CORO2A: variants seen among roughly 807,000 people sequenced by gnomAD.
CORO2A encodes coronin-2A.
Under a neutral mutation model 62.4 loss-of-function variants are expected in CORO2A, and 47 were observed. That is an observed-to-expected ratio of 0.75 (90% CI 0.60 to 0.96). The LOEUF is 0.96. Ranked by LOEUF, CORO2A falls within the 40% of genes least tolerant of loss-of-function variation. The pLI is 0.00. For missense variants in CORO2A, 610 were observed against 684.1 expected, an observed-to-expected ratio of 0.89 and a Z score of 1.21; for synonymous variants, 273 against 268.9, an observed-to-expected ratio of 1.02 and a Z score of -0.15.
At chr9:98,139,013 C>A (rs1211319829) in intron 2 of CORO2A, among the ~76,000 whole-genome samples, 1 of 145,318 alleles carries the variant, frequency 6.9e-6, no homozygotes, top group East Asian at 2.0e-4. Context: ...TGCCACTGCA[C>A]TACAGCCTGG....
Position 98,147,974 on chromosome 9 carries a change from T to A in CORO2A, c.201+9486A>T, listed in dbSNP as rs150613810. ...GTAAGAAAGGACACAGAGGCAGGAG[T>A]GGTGGCTCATGCCTGTAATCCTGGC... On this transcript the variant is annotated intron_variant, in intron 2 of 11. Transcript: ENST00000375077. Among the ~76,000 whole-genome samples, 1,091 of 150,152 alleles carry A rather than the reference T, an allele frequency of 7.3e-3. 11 individuals are homozygous for A. The highest frequency in any genetic ancestry group is 0.01 in the Non-Finnish European group (688 of 67,560).
At chr9:98,141,342 A>AACGCTTAAG (rs1827563742) in intron 2 of CORO2A, among the ~76,000 whole-genome samples, 1 of 144,810 alleles carries the variant, frequency 6.9e-6, no homozygotes, top group Non-Finnish European at 1.5e-5. Context: ...CCATGGGACC[A>AACGCTTAAG]CTGACCCTTT....
intron 1 of CORO2A, among the ~76,000 whole-genome samples, chr9:98,168,252 T>C (rs1415025585): frequency 6.6e-6 from 1 of 152,250 alleles, no homozygotes; most frequent in South Asian, 2.1e-4. Flanking sequence ...TTAAACAACA[T>C]GCCCATCTCT....
chr9:98,161,383 G>A (rs889150321), intron 1 of CORO2A, among the ~76,000 whole-genome samples: 19 of 152,076 alleles, frequency 1.2e-4, no homozygotes, highest in Admixed American at 8.5e-4. Flanking sequence ...GTGAAACCCC[G>A]TCTCTACTGA....
At chr9:98,189,236 T>G (rs992097556) in intron 1 of CORO2A, among the ~76,000 whole-genome samples, 1 of 152,218 alleles carries the variant, frequency 6.6e-6, no homozygotes, top group African/African-American at 2.4e-5. Flanking sequence ...AGGCACAGTT[T>G]GACCACAGAA....
chr9:98,150,553 C>T (rs1025831030), intron 2 of CORO2A, among the ~76,000 whole-genome samples: 1 of 152,142 alleles, frequency 6.6e-6, no homozygotes, highest in African/African-American at 2.4e-5. Flanking sequence ...AAACTAGGTC[C>T]CCTCTCCCAA....
At chr9:98,192,212 G>A (rs996602809) in intron 1 of CORO2A, among the ~76,000 whole-genome samples, 2 of 152,232 alleles carry the variant, frequency 1.3e-5, no homozygotes, top group African/African-American at 4.8e-5. Context: ...CCGGCTGGCC[G>A]CGCCCAGAGT....
rs1229924499 is a variant in CORO2A at position 98,129,875 on chromosome 9, G to A, written c.886C>T (p.Arg296Cys). 8 of 1,613,624 alleles carry A rather than the reference G, an allele frequency of 5.0e-6. No homozygotes were observed. Among genetic ancestry groups the A allele is most frequent in the East Asian group, 2.2e-5 (1 of 44,888 alleles). Residue 296 changes from arginine (R) to cysteine (C), a missense_variant, in exon 8 of 12, where the codon CGC (arginine) becomes TGC (cysteine). Physicochemically the swap from Arg to Cys is radical, Grantham distance 180. Coordinates refer to ENST00000375077, the MANE Select transcript of CORO2A (RefSeq NM_052820.4). ...TTGTCGGCGCTCACCTCGTAGTAGC[G>A]GATGTTGCCATCTCCCTGAGGAGGA... The part of the protein sequence containing the change: ...YVVGKGDGNI[R>C]YYEVSADKPH...
chr9:98,149,214 AAG>A lies in CORO2A; in HGVS notation c.201+8244_201+8245del, dbSNP rs377574369. On this transcript the variant is annotated intron_variant, in intron 2 of 11. Transcript: ENST00000375077. ...TGTCAAAATAAAACTTTTAATTAAA[AAG>A]AAAAAAGCAAAAATAACGATTTGTT... 3.1e-3 allele frequency among the ~76,000 whole-genome samples: 471 copies of A among 152,306 alleles called. 2 individuals are homozygous for A. Among genetic ancestry groups the A allele is most frequent in the African/African-American group, 0.011 (454 of 41,542 alleles).
chr9:98,189,555 T>G (rs1252926375), intron 1 of CORO2A, among the ~76,000 whole-genome samples: 1 of 152,188 alleles, frequency 6.6e-6, no homozygotes, highest in East Asian at 1.9e-4. Context: ...TACTGAGATT[T>G]GTTCACTCTA....
rs368962513 is a variant in CORO2A at position 98,190,193 on chromosome 9, A to G, written c.-1+2366T>C. On this transcript the variant is annotated intron_variant, in intron 1 of 11. Transcript: ENST00000375077. ...AGCCACTGTGCCTGGCCAGAAGACAACTTCTTACAAATAACAGCACTACAT... is the reference window on the plus strand; with the variant it reads ...AGCCACTGTGCCTGGCCAGAAGACAGCTTCTTACAAATAACAGCACTACAT... Among the ~76,000 whole-genome samples the G allele has an allele frequency of 1.1e-4, 17 of 152,222 alleles. No individual in the cohort carries two copies. In the East Asian group the frequency reaches 3.3e-3, roughly 29 times the overall value.
intron 1 of CORO2A, among the ~76,000 whole-genome samples, chr9:98,183,271 T>C (rs139062718): frequency 2.8e-3 from 431 of 152,352 alleles, no homozygotes; most frequent in African/African-American, 9.9e-3. Flanking sequence ...GCTACTGTGC[T>C]TGCAGCCACC....
chr9:98,163,739 TGTGA>T (rs1182999298), intron 1 of CORO2A, among the ~76,000 whole-genome samples: 7 of 135,958 alleles, frequency 5.1e-5, no homozygotes, highest in African/African-American at 1.4e-4. Flanking sequence ...TATGTGTGTG[TGTGA>T]GAGAGAGAGA....
intron 1 of CORO2A, among the ~76,000 whole-genome samples, chr9:98,161,151 G>A (rs1377024501): frequency 2.0e-5 from 3 of 152,220 alleles, no homozygotes; most frequent in Admixed American, 6.5e-5. Context: ...GGCCCATGGA[G>A]ATGGCAAGTG....
Position 98,126,684 on chromosome 9 carries a change from ATCT to A in CORO2A, c.1308_1310del (p.Glu436del), listed in dbSNP as rs760302166. Reference sequence around the variant, plus strand: ...CCAACAGGGAGGAAGACCTCCAGCCATCTTCTGCAGCCAGCTTTTCTGTCTGAT... The same window carrying A: ...CCAACAGGGAGGAAGACCTCCAGCCATCTGCAGCCAGCTTTTCTGTCTGAT... On this transcript the variant is annotated inframe_deletion, in exon 11 of 12. Transcript: ENST00000375077. 5.0e-6 allele frequency: 8 copies of A among 1,614,090 alleles called. No homozygotes were observed. Among genetic ancestry groups the A allele is most frequent in the Non-Finnish European group, 6.8e-6 (8 of 1,180,046 alleles).
chr9:98,133,307 G>T, intron 4 of CORO2A, 90 bp from the exon 5 acceptor site: 1 of 1,327,444 alleles, frequency 7.5e-7, no homozygotes, highest in Non-Finnish European at 1.1e-6. Flanking sequence ...GTGAAACACA[G>T]TATCCCTGGG....
chr9:98,142,857 CTGCCCTGCG>C (rs1326500793), intron 2 of CORO2A, among the ~76,000 whole-genome samples: 1 of 70,170 alleles, frequency 1.4e-5, no homozygotes. Flanking sequence ...CTGCCCTGCG[CTGCCCTGCG>C]CTGCCCTGCG....
chr9:98,140,486 G>A (rs542039484), intron 2 of CORO2A, among the ~76,000 whole-genome samples: 2 of 151,824 alleles, frequency 1.3e-5, no homozygotes, highest in Admixed American at 1.3e-4. Flanking sequence ...TGTTGTCCAG[G>A]CTGGAGTGCA....
intron 5 of CORO2A, among the ~76,000 whole-genome samples, 183 bp from the exon 6 acceptor site, chr9:98,132,484 C>G (rs1289409348): frequency 3.9e-5 from 6 of 152,312 alleles, no homozygotes; most frequent in South Asian, 4.1e-4. Flanking sequence ...CACATGGAGT[C>G]TCTCCCCACT....
Sources: gnomAD v4.1 joint callset for allele counts (sites outside exome capture counted in the v4.1 genomes callset) on GRCh38, gnomAD v4.1.1 for gene constraint, MANE v1.5 for transcripts, NCBI Gene and HGNC (gene_info 2026-07-23, HGNC 2026-07-21) for gene names.